The following PPM1B variants were observed in gnomAD, a reference collection of about 807,000 sequenced individuals.
The protein encoded by PPM1B is protein phosphatase 1B.
In PPM1B, 22 loss-of-function variants were observed where a neutral mutation model predicts 43.0. The ratio of observed to expected loss-of-function variants is 0.51; its 90% CI spans 0.37 to 0.73. The LOEUF is 0.73. Among genes scored for constraint, PPM1B ranks in the 30% least tolerant of loss-of-function variants. PPM1B has a pLI of 0.00. For missense variants in PPM1B, 632 were observed against 584.2 expected, an observed-to-expected ratio of 1.08 and a Z score of -0.84; for synonymous variants, 217 against 197.9, an observed-to-expected ratio of 1.10 and a Z score of -0.81.
At chr2:44,217,872 A>T in intron 3 of PPM1B, 95 bp from the exon 4 acceptor site, 1 of 636,044 alleles carries the variant, frequency 1.6e-6, no homozygotes, top group Non-Finnish European at 2.4e-6. Flanking sequence ...AATATATTTT[A>T]AAATAGGTAC....
At chr2:44,237,473 T>G (rs1302227872), downstream of PPM1B, among the ~76,000 whole-genome samples, 2 of 152,216 alleles carry the variant, frequency 1.3e-5, no homozygotes, top group African/African-American at 4.8e-5. Context: ...CACTGTTTTG[T>G]GCTCAGATGT....
intron 1 of PPM1B, among the ~76,000 whole-genome samples, chr2:44,176,160 C>T (rs1440591921): frequency 6.6e-6 from 1 of 151,992 alleles, no homozygotes; most frequent in Admixed American, 6.6e-5. Context: ...AAATTTGGGG[C>T]CTTCAGGTGT....
chr2:44,187,985 C>T (rs893785123), intron 1 of PPM1B, among the ~76,000 whole-genome samples: 1 of 152,172 alleles, frequency 6.6e-6, no homozygotes, highest in South Asian at 2.1e-4. Context: ...CTCCTGACCT[C>T]GCCATCTGCC....
downstream of PPM1B, among the ~76,000 whole-genome samples, chr2:44,245,952 A>T (rs1021250165): frequency 6.6e-6 from 1 of 152,200 alleles, no homozygotes; most frequent in African/African-American, 2.4e-5. Context: ...ATCTGTTTAA[A>T]TTAGATTCTG....
At chr2:44,241,115 TGCC>T (rs1670735554) in intron 5 of PPM1B, among the ~76,000 whole-genome samples, 1 of 143,884 alleles carries the variant, frequency 7.0e-6, no homozygotes, top group African/African-American at 2.5e-5. Flanking sequence ...GTGATTCTCC[TGCC>T]TCAGCGTCCC....
Position 44,169,098 on chromosome 2 carries a change from G to A in PPM1B, c.-191G>A. 6.8e-5 allele frequency: 12 copies of A among 176,612 alleles called. No homozygotes were observed. The highest frequency in any genetic ancestry group is 2.9e-4 in the South Asian group (3 of 10,478). 10.9% of individuals were successfully genotyped at this position (176,612 alleles called of 1,614,324 possible). On this transcript the variant is annotated 5_prime_UTR_variant, in exon 1 of 6. Coordinates refer to ENST00000282412, the MANE Select transcript of PPM1B (RefSeq NM_002706.6). ...GCTAGGGTGGAGAGAAGGCGGCATC[G>A]GCGGCGGCGGCGGCGTGAGGGGCCG... is the stretch of plus-strand genomic sequence containing the variant.
At chr2:44,170,939 CTTCT>C (rs1050096068) in intron 1 of PPM1B, among the ~76,000 whole-genome samples, 3 of 151,992 alleles carry the variant, frequency 2.0e-5, no homozygotes, top group African/African-American at 4.8e-5. Context: ...CTCTCAATGC[CTTCT>C]TTGTCTTTTT....
chr2:44,240,144 A>C (rs1352837452), intron 5 of PPM1B, among the ~76,000 whole-genome samples: 3 of 145,766 alleles, frequency 2.1e-5, no homozygotes, highest in Admixed American at 6.8e-5. Flanking sequence ...AAGTACTGGG[A>C]GTACAGACAT....
chr2:44,230,264 G>C, intron 5 of PPM1B, 149 bp from the exon 6 acceptor site: 1 of 1,461,538 alleles, frequency 6.8e-7, no homozygotes. Context: ...AATTGATACA[G>C]GTAAGAATTG....
chr2:44,176,836 C>T lies in PPM1B; in HGVS notation c.-15+7562C>T, dbSNP rs879639563. On this transcript the variant is annotated intron_variant, in intron 1 of 5. Coordinates refer to ENST00000282412, the MANE Select transcript of PPM1B (RefSeq NM_002706.6). Reference sequence around the variant, plus strand: ...GCAAATCAACCAACTGGCTGGGGTGCAGTGGTGCAATCTCGGCTCATTGCA... The same window carrying T: ...GCAAATCAACCAACTGGCTGGGGTGTAGTGGTGCAATCTCGGCTCATTGCA... 2.4e-4 allele frequency among the ~76,000 whole-genome samples: 37 copies of T among 152,234 alleles called. No homozygotes were observed. In the Middle Eastern group the frequency reaches 0.01, roughly 42 times the overall value.
At chr2:44,235,047 T>C (rs1349522353), downstream of PPM1B, among the ~76,000 whole-genome samples, 1 of 152,210 alleles carries the variant, frequency 6.6e-6, no homozygotes, top group African/African-American at 2.4e-5. Flanking sequence ...AGGAATATTT[T>C]AGTCACTTCA....
intron 3 of PPM1B, among the ~76,000 whole-genome samples, chr2:44,210,286 G>A (rs907623541): frequency 6.7e-6 from 1 of 148,994 alleles, no homozygotes; most frequent in Admixed American, 6.8e-5. Context: ...GCATGATCTC[G>A]GCTCACTACA....
At chr2:44,242,085 C>T (rs1330508294) in intron 5 of PPM1B, among the ~76,000 whole-genome samples, 4 of 151,922 alleles carry the variant, frequency 2.6e-5, no homozygotes, top group Non-Finnish European at 4.4e-5. Context: ...GTCTCGATCT[C>T]CTGACCTTGT....
intron 2 of PPM1B, among the ~76,000 whole-genome samples, chr2:44,204,889 A>G (rs1328046987): frequency 6.6e-6 from 1 of 150,792 alleles, no homozygotes; most frequent in Non-Finnish European, 1.5e-5. Context: ...AAAAAAGATA[A>G]GCATTTTTCA....
intron 1 of PPM1B, among the ~76,000 whole-genome samples, chr2:44,193,638 G>A (rs1668515110): frequency 7.0e-6 from 1 of 143,438 alleles, no homozygotes; most frequent in South Asian, 2.2e-4. Context: ...GGAGTGCAGT[G>A]CTACGATCTC....
At chr2:44,197,551 C>T (rs530590170) in intron 1 of PPM1B, among the ~76,000 whole-genome samples, 1 of 152,334 alleles carries the variant, frequency 6.6e-6, no homozygotes, top group South Asian at 2.1e-4. Flanking sequence ...TTATCTGTGT[C>T]AGTATCCAGT....
rs752786301 is a variant in PPM1B, at chr2:44,209,180, T to A, written c.847-30T>A. 43 of 1,503,978 alleles carry A rather than the reference T, an allele frequency of 2.9e-5. No homozygotes were observed. In the African/African-American group the frequency reaches 5.6e-4, roughly 20 times the overall value. 93.2% of individuals were successfully genotyped at this position (1,503,978 alleles called of 1,614,324 possible). On this transcript the variant is annotated intron_variant, in intron 2 of 5. Transcript: ENST00000282412. ...ATAATAGTTGATTGTAGAAATACAA[T>A]TTTTTTTCTTTTTTTTCTTTAATAC...
Position 44,188,965 on chromosome 2 carries a change from C to G in PPM1B, c.-14-12221C>G, listed in dbSNP as rs1378689079. On this transcript the variant is annotated intron_variant, in intron 1 of 5. Transcript: ENST00000282412. The stretch of plus-strand genomic sequence containing the variant: ...AGCACTTCAGCCTTGATCTTCTGGG[C>G]TAAGGTAATCTTCCCACTTCAGTCT... Among the ~76,000 whole-genome samples, 5 of 152,142 alleles carry G rather than the reference C, an allele frequency of 3.3e-5. No individual in the cohort carries two copies. In the East Asian group the frequency reaches 9.7e-4, roughly 29 times the overall value.
At chr2:44,180,100 G>A (rs1197305592) in intron 1 of PPM1B, among the ~76,000 whole-genome samples, 1 of 151,966 alleles carries the variant, frequency 6.6e-6, no homozygotes, top group East Asian at 1.9e-4. Context: ...ATGCTTGGAA[G>A]GACAGTACTT....
Sources: allele counts gnomAD v4.1 joint callset (sites outside exome capture counted in the v4.1 genomes callset), GRCh38; gene constraint gnomAD v4.1.1; transcripts MANE v1.5; gene names NCBI Gene and HGNC (gene_info 2026-07-23, HGNC 2026-07-21).